RNF125: variants seen among roughly 807,000 people sequenced by gnomAD.
The protein encoded by RNF125 is ring finger protein 125.
In RNF125, 21 loss-of-function variants were observed where a neutral mutation model predicts 26.0. The observed-to-expected ratio is 0.81, with a 90% CI of 0.57 to 1.16. RNF125 has a LOEUF of 1.16. Ranked by LOEUF, RNF125 falls within the 50% of genes most tolerant of loss-of-function variation. The pLI, the probability that RNF125 is intolerant of heterozygous loss-of-function variation, is 0.00. For missense variants in RNF125, 270 were observed against 299.4 expected, an observed-to-expected ratio of 0.90 and a Z score of 0.72; for synonymous variants, 95 against 109.2, an observed-to-expected ratio of 0.87 and a Z score of 0.81.
Position 32,033,502 on chromosome 18 carries a change from G to T in RNF125, c.165-3614G>T, listed in dbSNP as rs541637895. 2.8e-5 allele frequency among the ~76,000 whole-genome samples: 4 copies of T among 145,070 alleles called. No individual in the cohort carries two copies. The South Asian group carries it at 9.2e-4, about 33-fold the overall frequency. ...ATCATGCCATTGCACTCCAGCCTGG[G>T]CAACAAAGCAAGACTCCACCTCAAA... On this transcript the variant is annotated intron_variant, in intron 1 of 5. Transcript: ENST00000217740.
chr18:32,043,706 C>A (rs797007455), intron 3 of RNF125, among the ~76,000 whole-genome samples: 7 of 152,174 alleles, frequency 4.6e-5, no homozygotes, highest in African/African-American at 1.7e-4. Context: ...ATTTCTTTTA[C>A]TCATTAGAAT....
the RNF125 span, among the ~76,000 whole-genome samples, chr18:32,088,229 A>G: frequency 1.3e-5 from 2 of 152,220 alleles, no homozygotes; most frequent in Non-Finnish European, 2.9e-5. Context: ...TGGTACTGGT[A>G]CAAACCAGCT....
intron 4 of RNF125, among the ~76,000 whole-genome samples, chr18:32,054,820 G>T (rs2039364588): frequency 6.6e-6 from 1 of 152,074 alleles, no homozygotes; most frequent in Non-Finnish European, 1.5e-5. Flanking sequence ...GCTAGGTCTA[G>T]GCATAAGGAA....
chr18:32,085,785 G>A, the RNF125 span, among the ~76,000 whole-genome samples: 2 of 150,176 alleles, frequency 1.3e-5, no homozygotes, highest in South Asian at 2.1e-4. Flanking sequence ...TTGGTGCCTC[G>A]TATTGGCTGA....
At chr18:32,043,190 A>G (rs2039237208) in intron 3 of RNF125, among the ~76,000 whole-genome samples, 1 of 152,118 alleles carries the variant, frequency 6.6e-6, no homozygotes, top group Admixed American at 6.5e-5. Flanking sequence ...TCTCCTGATG[A>G]GAAAGGTAAT....
chr18:32,061,306 G>T (rs192369815), intron 4 of RNF125, among the ~76,000 whole-genome samples: 94 of 152,302 alleles, frequency 6.2e-4, no homozygotes, highest in African/African-American at 2.2e-3. Flanking sequence ...TTACAGGCGT[G>T]AGCCCCCGTG....
Position 32,037,161 on chromosome 18 carries a change from G to A in RNF125, c.210G>A (p.Trp70Ter), listed in dbSNP as rs1376249502. 6.2e-7 allele frequency: 1 copy of A among 1,607,088 alleles called. No homozygotes were observed. The highest frequency in any genetic ancestry group is 8.5e-7 in the Non-Finnish European group (1 of 1,177,622). The change falls in exon 2 of 6, where the codon TGG becomes TGA. Residue 70 changes from tryptophan (W) to a stop codon, truncating the protein, a stop_gained. Transcript: ENST00000217740. LOFTEE classifies it high-confidence loss of function. ...CIATSLKNNKWTCPYCRAYLP... is the reference protein window; with the variant it reads ...CIATSLKNNK ...CTACCAGTCTAAAGAACAACAAGTG[G>A]ACCTGTCCTTATTGCCGGGCATATC...
intron 4 of RNF125, among the ~76,000 whole-genome samples, chr18:32,055,174 C>G (rs924539066): frequency 1.6e-4 from 24 of 151,732 alleles, no homozygotes; most frequent in Admixed American, 1.3e-4. Context: ...TGGTGCACGC[C>G]TGTAATCCCA....
chr18:32,026,986 CAG>C (rs1057187532), intron 1 of RNF125, among the ~76,000 whole-genome samples: 4 of 152,206 alleles, frequency 2.6e-5, no homozygotes, highest in Non-Finnish European at 5.9e-5. Flanking sequence ...GGGTTTAAGA[CAG>C]AGGAAAACAA....
At chr18:32,047,162 G>C (rs2039280362) in intron 4 of RNF125, among the ~76,000 whole-genome samples, 1 of 152,154 alleles carries the variant, frequency 6.6e-6, no homozygotes, top group Admixed American at 6.6e-5. Context: ...TCAGCCTCCT[G>C]AGTAGCTGGG....
chr18:32,081,937 A>C, the RNF125 span, among the ~76,000 whole-genome samples: 1 of 152,182 alleles, frequency 6.6e-6, no homozygotes, highest in African/African-American at 2.4e-5. Context: ...CAAATGAAGA[A>C]AGTAATCATT....
the RNF125 span, among the ~76,000 whole-genome samples, chr18:32,079,249 C>T: frequency 2.0e-5 from 3 of 152,172 alleles, no homozygotes; most frequent in Non-Finnish European, 2.9e-5. Context: ...GAGAGAAGAT[C>T]TCTGGAGTCT....
intron 1 of RNF125, among the ~76,000 whole-genome samples, chr18:32,035,121 G>C (rs1353370943): frequency 6.6e-6 from 1 of 152,058 alleles, no homozygotes; most frequent in Non-Finnish European, 1.5e-5. Flanking sequence ...GAGTTGGTAG[G>C]CACCTTGATT....
intron 4 of RNF125, among the ~76,000 whole-genome samples, chr18:32,064,902 C>A (rs990175187): frequency 2.0e-5 from 3 of 152,148 alleles, no homozygotes; most frequent in Admixed American, 1.3e-4. Flanking sequence ...AAAAGGTAAA[C>A]ACTATAGTTA....
At chr18:32,019,679 T>TA (rs1167321024) in intron 1 of RNF125, among the ~76,000 whole-genome samples, 4 of 152,100 alleles carry the variant, frequency 2.6e-5, no homozygotes, top group Admixed American at 6.5e-5. Flanking sequence ...CCACAGTTGT[T>TA]AGAGTTTAAC....
At chr18:32,054,403 A>T (rs1042449625) in intron 4 of RNF125, among the ~76,000 whole-genome samples, 2 of 152,060 alleles carry the variant, frequency 1.3e-5, no homozygotes, top group South Asian at 4.1e-4. Context: ...TGTACATTTT[A>T]TGTATTCTCA....
intron 2 of RNF125, 24 bp from the exon 3 acceptor site, chr18:32,042,144 AACAGTGAGTTT>A: frequency 6.7e-7 from 1 of 1,486,658 alleles, no homozygotes; most frequent in Non-Finnish European, 9.4e-7. Context: ...GCCCTTTTTT[AACAGTGAGTTT>A]ATTTTGAATT....
rs569152246 is a variant in RNF125, at chr18:32,055,656, C to T, written c.504+9924C>T. 1.4e-4 allele frequency among the ~76,000 whole-genome samples: 21 copies of T among 152,166 alleles called. No individual in the cohort carries two copies. In the South Asian group the frequency reaches 3.9e-3, roughly 29 times the overall value. ...TTCAATTACCTACACCTGGTCTCTC[C>T]CTTGACACTTGGAGATTGTGGGGAT... On this transcript the variant is annotated intron_variant, in intron 4 of 5. Transcript: ENST00000217740.
chr18:32,019,416 A>T (rs1231571403), intron 1 of RNF125, among the ~76,000 whole-genome samples: 1 of 152,148 alleles, frequency 6.6e-6, no homozygotes, highest in East Asian at 1.9e-4. Context: ...GCTACAAGGC[A>T]GGGGCTCCCG....
Sources: allele counts gnomAD v4.1 joint callset (sites outside exome capture counted in the v4.1 genomes callset), GRCh38; gene constraint gnomAD v4.1.1; transcripts MANE v1.5; gene names NCBI Gene and HGNC (gene_info 2026-07-23, HGNC 2026-07-21).